DLGAP3: variants seen among roughly 807,000 people sequenced by gnomAD.
DLGAP3 encodes disks large-associated protein 3.
DLGAP3 carries 17 observed loss-of-function variants against 81.2 expected under a neutral mutation model. That is an observed-to-expected ratio of 0.21 (90% CI 0.14 to 0.31). The LOEUF (loss-of-function observed/expected upper bound fraction) is 0.31. Ranked by LOEUF, DLGAP3 falls within the 10% of genes least tolerant of loss-of-function variation. The pLI is 1.00. For synonymous variants in DLGAP3, 577 were observed against 587.4 expected (o/e 0.98, Z 0.26); for missense variants, 1,124 against 1,388.0 (o/e 0.81, Z 3.02).
chr1:34,922,605 C>T (rs913167512), intron 1 of DLGAP3, among the ~76,000 whole-genome samples: 3 of 152,098 alleles, frequency 2.0e-5, no homozygotes, highest in South Asian at 2.1e-4. Context: ...TGAATGCATA[C>T]ATAGAGTCAT....
chr1:34,916,719 CAG>C (rs1391473686), intron 1 of DLGAP3, among the ~76,000 whole-genome samples: 1 of 150,010 alleles, frequency 6.7e-6, no homozygotes, highest in Non-Finnish European at 1.5e-5. Context: ...TATTTAGAGA[CAG>C]AGACTCGCTC....
intron 1 of DLGAP3, among the ~76,000 whole-genome samples, chr1:34,907,898 A>C (rs1639582605): frequency 6.6e-6 from 1 of 152,148 alleles, no homozygotes; most frequent in African/African-American, 2.4e-5. Context: ...TTATTTTTGC[A>C]CTAACTCTTC....
rs373832741 is a variant in DLGAP3 at position 34,868,833 on chromosome 1, C to T, written c.2257G>A (p.Asp753Asn). The T allele has an allele frequency of 2.9e-4, 459 of 1,580,372 alleles. No individual in the cohort carries two copies. The highest frequency in any genetic ancestry group is 3.7e-4 in the Non-Finnish European group (432 of 1,168,672). Residue 753 changes from aspartate (D) to asparagine (N), a missense_variant, in exon 9 of 12, where the codon GAT (aspartate) becomes AAT (asparagine). Asp to Asn is a conservative substitution (Grantham distance 23, BLOSUM62 1). Around this residue, in one of 9 missense-constraint regions of DLGAP3, gnomAD observed 379 missense variants for 455.7 expected, o/e 0.83. Transcript: ENST00000373347. This position sits in a 1 kb window ranked among gnomAD's most constrained non-coding sequence, Gnocchi z 7.5. The stretch of plus-strand genomic sequence containing the variant: ...GCGGGGGCAGGGCCGGGCGACCCAT[C>T]GGTGGCCGGCGGCTCGTACGGCAGT... ...YPLPYEPPAT[D>N]GSPGPAPAPT... is the part of the protein sequence containing the mutation.
intron 5 of DLGAP3, among the ~76,000 whole-genome samples, chr1:34,897,782 C>A (rs947990674): frequency 6.6e-6 from 1 of 152,128 alleles, no homozygotes; most frequent in Non-Finnish European, 1.5e-5. Context: ...CTGGAAGAAC[C>A]GGTGGCAGTG....
At chr1:34,866,864 C>T (rs1160058819) in intron 11 of DLGAP3, among the ~76,000 whole-genome samples, 184 bp downstream of exon 11, 1 of 152,220 alleles carries the variant, frequency 6.6e-6, no homozygotes, top group Non-Finnish European at 1.5e-5. Flanking sequence ...TGGGGCCAAG[C>T]AGACGGCAGT....
rs750127207 is a variant in DLGAP3, at chr1:34,868,852, C to T, written c.2238G>A (p.Pro746=). ...QWAYREGYPL[P]YEPPATDGSP... is the part of the protein sequence containing the mutation. ...ACCCATCGGTGGCCGGCGGCTCGTA[C>T]GGCAGTGGGTAGCCCTCGCGGTAGG... Residue 746 remains proline (P), a synonymous_variant, in exon 9 of 12, where the codon CCG becomes CCA. Transcript: ENST00000373347. This position sits in a 1 kb window ranked among gnomAD's most constrained non-coding sequence, Gnocchi z 7.5. 32 of 1,586,786 alleles carry T rather than the reference C, an allele frequency of 2.0e-5. No individual in the cohort carries two copies. The highest frequency in any genetic ancestry group is 2.2e-5 in the South Asian group (2 of 89,820).
intron 8 of DLGAP3, among the ~76,000 whole-genome samples, chr1:34,881,340 T>G (rs528347346): frequency 2.0e-5 from 3 of 152,340 alleles, no homozygotes; most frequent in East Asian, 3.9e-4. Flanking sequence ...GCTAAAAGAC[T>G]ATACCCCACA....
chr1:34,866,265 G>A lies in DLGAP3; in HGVS notation c.2758C>T (p.Pro920Ser). 2 of 1,552,208 alleles carry A rather than the reference G, an allele frequency of 1.3e-6. No homozygotes were observed. The highest frequency in any genetic ancestry group is 2.3e-5 in the South Asian group (2 of 85,670). ...KKVPPPIPKK[P>S]LRGRGVPVKE... ...ACCGGCACGCCCCGGCCCCGCAGGGGCTTCTTTGGTATCGGCGGAGGGACC... is the reference window on the plus strand; with the variant it reads ...ACCGGCACGCCCCGGCCCCGCAGGGACTTCTTTGGTATCGGCGGAGGGACC... The change falls in exon 12 of 12, where the codon CCC (proline) becomes TCC (serine). Residue 920 changes from proline to serine, a missense_variant. Around this residue, in one of 9 missense-constraint regions of DLGAP3, gnomAD observed 133 missense variants for 171.1 expected, o/e 0.78. Transcript: ENST00000373347.
chr1:34,898,992 T>C (rs1211618232), intron 5 of DLGAP3, among the ~76,000 whole-genome samples: 3 of 152,142 alleles, frequency 2.0e-5, no homozygotes, highest in Non-Finnish European at 4.4e-5. Flanking sequence ...TGCTGGTGGT[T>C]CCTCAGGACA....
At chr1:34,882,794 T>A (rs1336815951) in intron 8 of DLGAP3, among the ~76,000 whole-genome samples, 1 of 152,196 alleles carries the variant, frequency 6.6e-6, no homozygotes, top group Non-Finnish European at 1.5e-5. Context: ...CAATTCCTTA[T>A]CATGTCCATG....
chr1:34,867,441 C>A lies in DLGAP3; in HGVS notation c.2577+95G>T. On this transcript the variant is annotated intron_variant, in intron 10 of 11. Transcript: ENST00000373347. The surrounding 1 kb of genome is among the most constrained non-coding windows in gnomAD (Gnocchi z 4.3). ...TGCAGGCCTGGTCTCACCTCTGGTA[C>A]ACACTCACTCTGGGTCACCTGCCTG... 8.5e-7 allele frequency: 1 copy of A among 1,173,490 alleles called. No individual in the cohort carries two copies. The highest frequency in any genetic ancestry group is 1.3e-6 in the Non-Finnish European group (1 of 779,266). The allele number at this position is 1,173,490 out of a possible 1,614,324, so 72.7% of individuals were successfully genotyped here. A position where few individuals can be genotyped will look rare whatever the true frequency, so the allele number is the denominator to read the frequency against.
Position 34,885,810 on chromosome 1 carries a change from G to A in DLGAP3, c.1601-19C>T. On this transcript the variant is annotated intron_variant, in intron 6 of 11. Coordinates refer to ENST00000373347, the MANE Select transcript of DLGAP3 (RefSeq NM_001080418.3). ...TTGAAGGCTGTGGCCGGCGAGCGCA[G>A]AGACGCAGTGGGTGAGGCTCGCGGC... is the stretch of plus-strand genomic sequence containing the variant. 1 of 1,397,434 alleles carries A rather than the reference G, an allele frequency of 7.2e-7. No homozygotes were observed. The highest frequency in any genetic ancestry group is 9.3e-7 in the Non-Finnish European group (1 of 1,077,236). 86.6% of individuals were successfully genotyped at this position (1,397,434 alleles called of 1,614,324 possible). A position where few individuals can be genotyped will look rare whatever the true frequency, so the allele number is the denominator to read the frequency against.
chr1:34,875,679 C>T (rs1295017978), intron 8 of DLGAP3, among the ~76,000 whole-genome samples: 1 of 152,218 alleles, frequency 6.6e-6, no homozygotes, highest in East Asian at 1.9e-4. Flanking sequence ...TTCAGCAAGA[C>T]ATCTGATGCA....
intron 8 of DLGAP3, among the ~76,000 whole-genome samples, chr1:34,882,486 AT>A (rs1208839293): frequency 6.6e-6 from 1 of 152,228 alleles, no homozygotes; most frequent in South Asian, 2.1e-4. Context: ...CTCAAAAAAA[AT>A]AAAATTAAAA....
intron 1 of DLGAP3, among the ~76,000 whole-genome samples, chr1:34,921,685 G>A (rs930952959): frequency 6.6e-6 from 1 of 152,226 alleles, no homozygotes; most frequent in African/African-American, 2.4e-5. Context: ...TGAGGCACTT[G>A]CGATGGGGAA....
chr1:34,902,235 A>G lies in DLGAP3; in HGVS notation c.1108-1962T>C, dbSNP rs377418060. On this transcript the variant is annotated intron_variant, in intron 3 of 11. Coordinates refer to ENST00000373347, the MANE Select transcript of DLGAP3 (RefSeq NM_001080418.3). The surrounding 1 kb of genome is among the most constrained non-coding windows in gnomAD (Gnocchi z 4.4). ...AAATGGGGTAGGGATGGGAGCTCCA[A>G]AAGGGGTAACGCCTCAGGGACAGCA... Among the ~76,000 whole-genome samples, 2 of 152,212 alleles carry G rather than the reference A, an allele frequency of 1.3e-5. No individual in the cohort carries two copies. Among genetic ancestry groups the G allele is most frequent in the African/African-American group, 4.8e-5 (2 of 41,516 alleles).
chr1:34,879,762 T>C (rs990869485), intron 8 of DLGAP3, among the ~76,000 whole-genome samples: 1 of 152,104 alleles, frequency 6.6e-6, no homozygotes, highest in Admixed American at 6.6e-5. Context: ...GAAAGTTACA[T>C]ATTCAATATG....
chr1:34,885,133 T>G, intron 7 of DLGAP3, 70 bp from the exon 8 acceptor site: 1 of 1,415,996 alleles, frequency 7.1e-7, no homozygotes, highest in South Asian at 1.2e-5. Context: ...GGAGAACGGC[T>G]AGCAATGGCT....
intron 5 of DLGAP3, among the ~76,000 whole-genome samples, chr1:34,898,214 A>G (rs1054507391): frequency 6.6e-5 from 10 of 152,208 alleles, no homozygotes; most frequent in Non-Finnish European, 8.8e-5. Context: ...AGGTATAGAG[A>G]GAAGTCCAGG....
Sources: allele counts gnomAD v4.1 joint callset (sites outside exome capture counted in the v4.1 genomes callset), GRCh38; gene constraint gnomAD v4.1.1; regional missense constraint gnomAD v4.1.1; non-coding constraint Gnocchi (gnomAD v3.1); transcripts MANE v1.5; gene names NCBI Gene and HGNC (gene_info 2026-07-23, HGNC 2026-07-21).